The following MTF2 variants were observed in gnomAD, a reference collection of about 807,000 sequenced individuals.
MTF2 encodes metal response element binding transcription factor 2.
In MTF2, 11 loss-of-function variants were observed where a neutral mutation model predicts 79.5. That is an observed-to-expected ratio of 0.14 (90% CI 0.09 to 0.23). MTF2 has a LOEUF of 0.23. MTF2 is among the 10% of genes least tolerant of loss of function. The pLI, the probability that MTF2 is intolerant of heterozygous loss-of-function variation, is 1.00. For synonymous variants in MTF2, 208 were observed against 232.8 expected (o/e 0.89, Z 0.97); for missense variants, 486 against 711.2 (o/e 0.68, Z 3.60).
chr1:93,096,727 A>G (rs1280263816), intron 1 of MTF2, among the ~76,000 whole-genome samples: 1 of 150,356 alleles, frequency 6.7e-6, no homozygotes, highest in Admixed American at 6.6e-5. Context: ...TTGTTGTTCA[A>G]CTTCAAATAC....
chr1:93,101,332 T>G (rs2101041343), intron 1 of MTF2, among the ~76,000 whole-genome samples: 1 of 151,622 alleles, frequency 6.6e-6, no homozygotes, highest in East Asian at 1.9e-4. Context: ...TTTTATTGAG[T>G]TAAAATACAT....
chr1:93,119,539 A>G, intron 8 of MTF2, 138 bp downstream of exon 8: 1 of 603,934 alleles, frequency 1.7e-6, no homozygotes, highest in East Asian at 3.0e-5. Flanking sequence ...ATTTATCCTC[A>G]TGCCTGATGT....
rs771408682 is a variant in MTF2, at chr1:93,127,310, T to A, written c.989+11T>A. Reference sequence around the variant, plus strand: ...TGATTACAAGACCATGTAAGTTGATTTATTTTATGTATCCCTATGAGGGAG... The same window carrying A: ...TGATTACAAGACCATGTAAGTTGATATATTTTATGTATCCCTATGAGGGAG... On this transcript the variant is annotated intron_variant, in intron 10 of 14. Coordinates refer to ENST00000370298, the MANE Select transcript of MTF2 (RefSeq NM_007358.4). The A allele has an allele frequency of 3.9e-6, 6 of 1,537,344 alleles. No homozygotes were observed. In the South Asian group the frequency reaches 6.7e-5, roughly 17 times the overall value.
intron 1 of MTF2, among the ~76,000 whole-genome samples, chr1:93,090,696 CTG>C (rs1655041032): frequency 7.2e-6 from 1 of 139,260 alleles, no homozygotes; most frequent in Non-Finnish European, 1.5e-5. Flanking sequence ...CGGAGTCTAA[CTG>C]TGTTACCCAG....
intron 1 of MTF2, among the ~76,000 whole-genome samples, chr1:93,107,808 T>C (rs1655863600): frequency 6.6e-6 from 1 of 152,056 alleles, no homozygotes; most frequent in Non-Finnish European, 1.5e-5. Context: ...TTTGACAGGT[T>C]CTCTCTCTGT....
chr1:93,101,578 T>TTGTTTG (rs1655541618), intron 1 of MTF2, among the ~76,000 whole-genome samples: 1 of 102,346 alleles, frequency 9.8e-6, no homozygotes, highest in African/African-American at 3.5e-5. Flanking sequence ...GTTTTTTTTT[T>TTGTTTG]TTTTTTTTTT....
chr1:93,127,119 C>A, intron 9 of MTF2, 113 bp from the exon 10 acceptor site: 1 of 692,530 alleles, frequency 1.4e-6, no homozygotes, highest in South Asian at 1.8e-5. Flanking sequence ...CTTAGATCTT[C>A]TGACTACCAA....
chr1:93,087,126 A>G (rs903451770), intron 1 of MTF2, among the ~76,000 whole-genome samples: 1 of 152,184 alleles, frequency 6.6e-6, no homozygotes, highest in African/African-American at 2.4e-5. Flanking sequence ...ATGCTTAGAA[A>G]GTTTCAGATT....
intron 6 of MTF2, among the ~76,000 whole-genome samples, chr1:93,117,829 C>G (rs1416603310): frequency 6.6e-6 from 1 of 151,926 alleles, no homozygotes; most frequent in Non-Finnish European, 1.5e-5. Context: ...GAATTGGAGA[C>G]CAGCTCTGGC....
chr1:93,085,316 C>G (rs1214974837), intron 1 of MTF2, among the ~76,000 whole-genome samples: 1 of 151,446 alleles, frequency 6.6e-6, no homozygotes, highest in Admixed American at 6.6e-5. Context: ...GCTGGGACTA[C>G]AGATGCCCAC....
At chr1:93,127,420 T>TATA (rs1308989463) in intron 10 of MTF2, 121 bp downstream of exon 10, 1 of 617,690 alleles carries the variant, frequency 1.6e-6, no homozygotes, top group Non-Finnish European at 2.9e-6. Context: ...TTTTAAACTT[T>TATA]ATAATGTCCT....
intron 1 of MTF2, chr1:93,080,996 C>T (rs947278154): frequency 6.6e-6 from 1 of 152,086 alleles, no homozygotes; most frequent in Non-Finnish European, 1.5e-5. Context: ...TTTGAATTCA[C>T]ATTTTAAAAT....
intron 9 of MTF2, 117 bp downstream of exon 9, chr1:93,120,789 T>G: frequency 6.7e-7 from 1 of 1,484,892 alleles, no homozygotes; most frequent in Non-Finnish European, 8.9e-7. Flanking sequence ...AGAATTTTAT[T>G]TTTAGTTCTG....
At chr1:93,120,390 C>G in intron 8 of MTF2, 159 bp from the exon 9 acceptor site, 2 of 451,292 alleles carry the variant, frequency 4.4e-6, no homozygotes, top group Non-Finnish European at 3.6e-6. Context: ...TCACTATTTT[C>G]TAGTTATTTT....
At position 93,129,674 on chromosome 1, in the gene MTF2, T is replaced by TTTTGTTAGCATAGAA; in HGVS notation, c.1160+227_1160+228insTTGTTAGCATAGAAT. Among the ~76,000 whole-genome samples the TTTTGTTAGCATAGAA allele has an allele frequency of 2.0e-5, 3 of 152,172 alleles. No homozygotes were observed. The Middle Eastern group carries it at 0.01, about 518-fold the overall frequency. On this transcript the variant is annotated intron_variant, in intron 11 of 14. Transcript: ENST00000370298. ...TTTGGCCTTCCAGAAATAGACTCTA[T>TTTTGTTAGCATAGAA]TGATTTTGTTAGCAAACAGCTTAAG...
At chr1:93,128,784 G>A (rs1053012271) in intron 10 of MTF2, 3 of 149,404 alleles carry the variant, frequency 2.0e-5, no homozygotes, top group Non-Finnish European at 3.0e-5. Flanking sequence ...TTCCAGATCC[G>A]GCACTCTAGA....
At chr1:93,096,518 T>C (rs1367905422) in intron 1 of MTF2, among the ~76,000 whole-genome samples, 3 of 152,076 alleles carry the variant, frequency 2.0e-5, no homozygotes, top group Admixed American at 6.5e-5. Context: ...TGTTCTGTCA[T>C]ATGCTTTTTT....
intron 1 of MTF2, among the ~76,000 whole-genome samples, chr1:93,089,768 T>C (rs1654993851): frequency 6.6e-6 from 1 of 152,088 alleles, no homozygotes; most frequent in African/African-American, 2.4e-5. Context: ...GATCTCGTTA[T>C]GTTGCCCAGG....
rs561377377 is a variant in MTF2 at position 93,100,101 on chromosome 1, G to A, written c.6-10129G>A. Among the ~76,000 whole-genome samples, 4 of 152,190 alleles carry A rather than the reference G, an allele frequency of 2.6e-5. No individual in the cohort carries two copies. In the South Asian group the frequency reaches 8.3e-4, roughly 32 times the overall value. ...GAAGTTGATCAGTTTAAAAAGAGAA[G>A]TATAAACACATTATTTGTAAATACG... On this transcript the variant is annotated intron_variant, in intron 1 of 14. Transcript: ENST00000370298.
Sources: gnomAD v4.1 joint callset for allele counts (sites outside exome capture counted in the v4.1 genomes callset) on GRCh38, gnomAD v4.1.1 for gene constraint, MANE v1.5 for transcripts, NCBI Gene and HGNC (gene_info 2026-07-23, HGNC 2026-07-21) for gene names.